Variants in ASXL3 observed in about 807,000 individuals in gnomAD.
ASXL3 encodes the protein putative Polycomb group protein ASXL3.
In ASXL3, 34 loss-of-function variants were observed where a neutral mutation model predicts 170.6. The ratio of observed to expected loss-of-function variants is 0.20; its 90% CI spans 0.15 to 0.27. The LOEUF (loss-of-function observed/expected upper bound fraction) is 0.27. Among genes scored for constraint, ASXL3 ranks in the 10% least tolerant of loss-of-function variants. The pLI is 1.00. For synonymous variants in ASXL3, 1,002 were observed against 989.1 expected (o/e 1.01, Z -0.24); for missense variants, 2,592 against 2,695.3 (o/e 0.96, Z 0.85).
intron 2 of ASXL3, among the ~76,000 whole-genome samples, chr18:33,610,661 C>G (rs915518491): frequency 2.6e-5 from 4 of 152,108 alleles, no homozygotes; most frequent in African/African-American, 9.6e-5. Flanking sequence ...ACACTCCTGG[C>G]TCTCGGCAGA....
chr18:33,587,248 T>C (rs2065042162), intron 1 of ASXL3, among the ~76,000 whole-genome samples: 1 of 152,192 alleles, frequency 6.6e-6, no homozygotes, highest in Non-Finnish European at 1.5e-5. Flanking sequence ...TTAGCATGTT[T>C]TATTTGTTAT....
intron 5 of ASXL3, among the ~76,000 whole-genome samples, chr18:33,666,500 T>G: frequency 6.6e-6 from 1 of 152,130 alleles, no homozygotes; most frequent in Non-Finnish European, 1.5e-5. Flanking sequence ...CTATCTAGAG[T>G]GATCTTCTTA....
At chr18:33,636,309 C>T (rs554177988) in intron 2 of ASXL3, among the ~76,000 whole-genome samples, 2 of 89,984 alleles carry the variant, frequency 2.2e-5, no homozygotes, top group East Asian at 9.2e-4. Flanking sequence ...ACTGATTCAA[C>T]AACAACAACA....
Position 33,686,688 on chromosome 18 carries a change from G to A in ASXL3, c.879+3120G>A, listed in dbSNP as rs142427808. Among the ~76,000 whole-genome samples the A allele has an allele frequency of 7.0e-3, 1,062 of 152,238 alleles. 4 individuals are homozygous for A. Among genetic ancestry groups the A allele is most frequent in the Middle Eastern group, 0.031 (9 of 294 alleles). On this transcript the variant is annotated intron_variant, in intron 8 of 11. Transcript: ENST00000269197. ...AAATGGTGGGCTATTCTGCTGAGGGGGAATATAGTCTACAACCTTGATGGC... is the reference window on the plus strand; with the variant it reads ...AAATGGTGGGCTATTCTGCTGAGGGAGAATATAGTCTACAACCTTGATGGC...
Position 33,696,864 on chromosome 18 carries a change from G to A in ASXL3, c.879+13296G>A, listed in dbSNP as rs116183119. On this transcript the variant is annotated intron_variant, in intron 8 of 11. Coordinates refer to ENST00000269197, the MANE Select transcript of ASXL3 (RefSeq NM_030632.3). ...CAATGATGTATCACCAAACATATGGGTAAAATGTTATTTGTTAAAGAATCA... is the reference window on the plus strand; with the variant it reads ...CAATGATGTATCACCAAACATATGGATAAAATGTTATTTGTTAAAGAATCA... Among the ~76,000 whole-genome samples the A allele has an allele frequency of 9.9e-4, 151 of 152,238 alleles. 1 individual carries two copies. Among genetic ancestry groups the A allele is most frequent in the African/African-American group, 3.5e-3 (146 of 41,558 alleles).
chr18:33,743,701 A>C lies in ASXL3; in HGVS notation c.3853A>C (p.Ile1285Leu), dbSNP rs548915343. The change falls in exon 12 of 12, where the codon ATC becomes CTC. Residue 1285 changes from isoleucine to leucine, a missense_variant. Transcript: ENST00000269197. ...TTGTAATATAAGCATGTTAAAAACCATCCAGGGAACTGACACTCCATGCAT... is the reference window on the plus strand; with the variant it reads ...TTGTAATATAAGCATGTTAAAAACCCTCCAGGGAACTGACACTCCATGCAT... ...SACNISMLKT[I>L]QGTDTPCIAI... 178 of 1,613,912 alleles carry C rather than the reference A, an allele frequency of 1.1e-4. 2 individuals are homozygous for C. In the South Asian group the frequency reaches 1.8e-3, roughly 17 times the overall value.
intron 2 of ASXL3, among the ~76,000 whole-genome samples, chr18:33,621,349 A>G (rs2065509460): frequency 6.6e-6 from 1 of 152,174 alleles, no homozygotes; most frequent in Non-Finnish European, 1.5e-5. Context: ...AGAAGGATCA[A>G]TGTTCTGTTC....
intron 8 of ASXL3, among the ~76,000 whole-genome samples, chr18:33,711,724 G>A (rs369511076): frequency 2.0e-5 from 3 of 152,044 alleles, no homozygotes; most frequent in Non-Finnish European, 4.4e-5. Flanking sequence ...TAGATCACTC[G>A]GTGTCTGGGA....
At chr18:33,643,233 A>G (rs973957921) in intron 2 of ASXL3, among the ~76,000 whole-genome samples, 1 of 151,918 alleles carries the variant, frequency 6.6e-6, no homozygotes, top group Non-Finnish European at 1.5e-5. Flanking sequence ...AATGTTCAGT[A>G]TAACATGTAT....
intron 8 of ASXL3, among the ~76,000 whole-genome samples, chr18:33,695,694 AAC>A (rs1463219776): frequency 6.6e-6 from 1 of 152,132 alleles, no homozygotes; most frequent in Non-Finnish European, 1.5e-5. Context: ...TTAATAGAGA[AAC>A]ACAAAATCAC....
intron 8 of ASXL3, among the ~76,000 whole-genome samples, chr18:33,710,264 A>C (rs1384741251): frequency 1.3e-5 from 2 of 152,218 alleles, no homozygotes; most frequent in African/African-American, 2.4e-5. Flanking sequence ...TCCGTCTCAA[A>C]AAAACAAAAC....
At chr18:33,667,150 A>T (rs562604253) in intron 5 of ASXL3, among the ~76,000 whole-genome samples, 1 of 152,296 alleles carries the variant, frequency 6.6e-6, no homozygotes, top group South Asian at 2.1e-4. Context: ...GGCCATAAAA[A>T]TCTAGCAGTT....
Position 33,739,265 on chromosome 18 carries a change from G to T in ASXL3, c.1861G>T (p.Ala621Ser). ...CTTTTCTTCTGAGAGCCCAGAGGGAGCCTGTACCAGCCTGCCTTCTCCAGG... is the reference window on the plus strand; with the variant it reads ...CTTTTCTTCTGAGAGCCCAGAGGGATCCTGTACCAGCCTGCCTTCTCCAGG... ...TSFSSESPEGACTSLPSPGGE... is the reference protein window; with the variant it reads ...TSFSSESPEGSCTSLPSPGGE... The change falls in exon 11 of 12, where the codon GCC becomes TCC. Residue 621 changes from alanine to serine, a missense_variant. Physicochemically the swap from Ala to Ser is moderately conservative, Grantham distance 99 (BLOSUM62 1). Transcript: ENST00000269197. 1 of 1,613,748 alleles carries T rather than the reference G, an allele frequency of 6.2e-7. No individual in the cohort carries two copies. Among genetic ancestry groups the T allele is most frequent in the Non-Finnish European group, 8.5e-7 (1 of 1,179,816 alleles).
At chr18:33,636,495 G>A (rs1302486597) in intron 2 of ASXL3, among the ~76,000 whole-genome samples, 1 of 152,096 alleles carries the variant, frequency 6.6e-6, no homozygotes, top group African/African-American at 2.4e-5. Context: ...GTTGAAGCAG[G>A]GAGACCAGTT....
chr18:33,694,450 T>A (rs867351076), intron 8 of ASXL3, among the ~76,000 whole-genome samples: 9 of 152,284 alleles, frequency 5.9e-5, no homozygotes, highest in Middle Eastern at 3.4e-3. Flanking sequence ...TGAACCTCAC[T>A]GATGAGTAGG....
intron 2 of ASXL3, chr18:33,608,974 T>A (rs1599390378): frequency 1.5e-5 from 4 of 270,626 alleles, no homozygotes; most frequent in Admixed American, 9.9e-5. Context: ...TTTTGGAGAC[T>A]TTTTTTTTTT....
chr18:33,729,115 G>GAAAC (rs112306917), intron 8 of ASXL3, among the ~76,000 whole-genome samples: 7,784 of 152,190 alleles, frequency 0.051, 236 homozygotes, highest in African/African-American at 0.085. Context: ...CTTTCCTCCC[G>GAAAC]AAACAGGGCC....
At position 33,683,385 on chromosome 18, in the gene ASXL3, C is replaced by G. The variant is rs756764033; in HGVS notation, c.716-20C>G. On this transcript the variant is annotated intron_variant, in intron 7 of 11. Transcript: ENST00000269197. ...CCCTCTACCTGTAGTAAATTCATGC[C>G]TCTTGCTTGTTCATCACAGGGCACT... 6.2e-7 allele frequency: 1 copy of G among 1,601,552 alleles called. No individual in the cohort carries two copies. The highest frequency in any genetic ancestry group is 8.5e-7 in the Non-Finnish European group (1 of 1,174,010).
chr18:33,737,392 C>CTCCTGCTTATCTT (rs1394250043), intron 10 of ASXL3, among the ~76,000 whole-genome samples: 2 of 152,138 alleles, frequency 1.3e-5, no homozygotes, highest in African/African-American at 4.8e-5. Context: ...AATGTTCTCT[C>CTCCTGCTTATCTT]TCCTGCTTAT....
Sources: gnomAD v4.1 joint callset for allele counts (sites outside exome capture counted in the v4.1 genomes callset) on GRCh38, gnomAD v4.1.1 for gene constraint, MANE v1.5 for transcripts, NCBI Gene and HGNC (gene_info 2026-07-23, HGNC 2026-07-21) for gene names.